SGCZ: variants seen among roughly 807,000 people sequenced by gnomAD.
SGCZ encodes sarcoglycan zeta, also known as zeta-sarcoglycan.
SGCZ carries 40 observed loss-of-function variants against 41.3 expected under a neutral mutation model. That is an observed-to-expected ratio of 0.97 (90% CI 0.75 to 1.26). The LOEUF (loss-of-function observed/expected upper bound fraction) is 1.26. SGCZ is among the 50% of genes most tolerant of loss of function. SGCZ has a pLI of 0.00. For missense variants in SGCZ, 552 were observed against 369.8 expected, an observed-to-expected ratio of 1.49 and a Z score of -4.04; for synonymous variants, 206 against 137.5, an observed-to-expected ratio of 1.50 and a Z score of -3.49.
Position 15,056,149 on chromosome 8 carries a change from A to G in SGCZ, c.39+181436T>C, listed in dbSNP as rs570466461. Among the ~76,000 whole-genome samples, 7 of 152,282 alleles carry G rather than the reference A, an allele frequency of 4.6e-5. No individual in the cohort carries two copies. The East Asian group carries it at 1.4e-3, about 29-fold the overall frequency. Reference sequence around the variant, plus strand: ...ACAGCTCTCCCAGCCCCTTACTCCCAGGCTCAGATCAAGAATTGCTGTTTA... The same window carrying G: ...ACAGCTCTCCCAGCCCCTTACTCCCGGGCTCAGATCAAGAATTGCTGTTTA... On this transcript the variant is annotated intron_variant, in intron 1 of 7. Coordinates refer to ENST00000382080, the MANE Select transcript of SGCZ (RefSeq NM_139167.4).
chr8:14,838,413 C>A (rs1401485464), intron 1 of SGCZ, among the ~76,000 whole-genome samples: 1 of 152,160 alleles, frequency 6.6e-6, no homozygotes, highest in Non-Finnish European at 1.5e-5. Flanking sequence ...GATATGCAAA[C>A]TAACCAATCT....
intron 1 of SGCZ, among the ~76,000 whole-genome samples, chr8:14,828,289 T>C (rs930622711): frequency 2.6e-5 from 4 of 152,198 alleles, no homozygotes; most frequent in African/African-American, 9.6e-5. Flanking sequence ...AAATGATTTA[T>C]GTCAATTTGC....
chr8:14,866,911 C>T (rs1277931084), intron 1 of SGCZ, among the ~76,000 whole-genome samples: 1 of 152,106 alleles, frequency 6.6e-6, no homozygotes, highest in Admixed American at 6.6e-5. Context: ...AGAATGTTGC[C>T]TTAAAGTTGG....
intron 1 of SGCZ, among the ~76,000 whole-genome samples, chr8:14,727,918 A>G (rs935190561): frequency 1.2e-4 from 18 of 152,238 alleles, no homozygotes; most frequent in Admixed American, 3.3e-4. Flanking sequence ...CTAAGCAATT[A>G]AAATGAGTAA....
chr8:14,423,162 T>C lies in SGCZ; in HGVS notation c.235-98958A>G, dbSNP rs182615548. On this transcript the variant is annotated intron_variant, in intron 2 of 7. Coordinates refer to ENST00000382080, the MANE Select transcript of SGCZ (RefSeq NM_139167.4). Reference sequence around the variant, plus strand: ...TAAAAGTAAACTCTGGGGACTGTTGTGGGGTGGGCGGAGGGGGGAGGGATA... The same window carrying C: ...TAAAAGTAAACTCTGGGGACTGTTGCGGGGTGGGCGGAGGGGGGAGGGATA... Among the ~76,000 whole-genome samples the C allele has an allele frequency of 1.2e-4, 18 of 148,828 alleles. No homozygotes were observed. In the East Asian group the frequency reaches 2.6e-3, roughly 22 times the overall value.
intron 5 of SGCZ, among the ~76,000 whole-genome samples, chr8:14,123,862 G>A (rs1448839700): frequency 6.6e-6 from 1 of 152,070 alleles, no homozygotes; most frequent in Non-Finnish European, 1.5e-5. Context: ...CTTAAAAACA[G>A]GATTATCCTG....
chr8:14,956,397 A>T (rs1280482148), intron 1 of SGCZ, among the ~76,000 whole-genome samples: 1 of 152,080 alleles, frequency 6.6e-6, no homozygotes, highest in Non-Finnish European at 1.5e-5. Flanking sequence ...TCCCTTCCCA[A>T]TAATCTGCAA....
At chr8:14,676,214 G>T (rs1323304321) in intron 1 of SGCZ, among the ~76,000 whole-genome samples, 1 of 152,176 alleles carries the variant, frequency 6.6e-6, no homozygotes, top group Non-Finnish European at 1.5e-5. Context: ...TATCATCCCT[G>T]CAATGCCAGA....
intron 1 of SGCZ, among the ~76,000 whole-genome samples, chr8:14,676,553 T>A (rs2117526849): frequency 6.6e-6 from 1 of 152,254 alleles, no homozygotes; most frequent in South Asian, 2.1e-4. Context: ...CACAATGATT[T>A]AACTGCCTCA....
chr8:14,178,435 G>C (rs1804620401), intron 4 of SGCZ, among the ~76,000 whole-genome samples: 1 of 152,220 alleles, frequency 6.6e-6, no homozygotes, highest in Non-Finnish European at 1.5e-5. Context: ...AGCAAACCAT[G>C]TAAACAGGTC....
At chr8:14,201,443 T>C (rs2117070990) in intron 4 of SGCZ, among the ~76,000 whole-genome samples, 1 of 152,264 alleles carries the variant, frequency 6.6e-6, no homozygotes, top group South Asian at 2.1e-4. Context: ...TACTCCTTAG[T>C]AATAAAAAGG....
At chr8:14,714,711 A>T (rs1303089178) in intron 1 of SGCZ, among the ~76,000 whole-genome samples, 1 of 152,224 alleles carries the variant, frequency 6.6e-6, no homozygotes. Context: ...TCAGGAAAAT[A>T]AATCCAGAAA....
At chr8:14,488,631 G>T (rs1038431883) in intron 2 of SGCZ, among the ~76,000 whole-genome samples, 6 of 152,040 alleles carry the variant, frequency 3.9e-5, no homozygotes, top group African/African-American at 1.4e-4. Flanking sequence ...ATCGCTGTGA[G>T]AAGTTAGGAA....
intron 1 of SGCZ, among the ~76,000 whole-genome samples, chr8:14,601,655 T>G (rs1185877226): frequency 6.6e-6 from 1 of 152,218 alleles, no homozygotes; most frequent in Non-Finnish European, 1.5e-5. Flanking sequence ...GGATTATCTT[T>G]CCTTATTGGT....
intron 1 of SGCZ, among the ~76,000 whole-genome samples, chr8:14,566,683 G>A (rs1004211474): frequency 2.0e-5 from 3 of 152,226 alleles, no homozygotes; most frequent in African/African-American, 4.8e-5. Flanking sequence ...GCCCTCGCTC[G>A]CTCTCGGCAC....
At chr8:14,868,201 G>A (rs150136162) in intron 1 of SGCZ, among the ~76,000 whole-genome samples, 3 of 152,218 alleles carry the variant, frequency 2.0e-5, no homozygotes, top group Admixed American at 2.0e-4. Flanking sequence ...TCAGTCACGA[G>A]GATACAGTGG....
At chr8:14,850,253 A>G (rs1488472360) in intron 1 of SGCZ, among the ~76,000 whole-genome samples, 1 of 152,220 alleles carries the variant, frequency 6.6e-6, no homozygotes, top group Non-Finnish European at 1.5e-5. Context: ...CTGAACAGTT[A>G]AAATATGCAT....
rs183292664 is a variant in SGCZ at position 14,717,373 on chromosome 8, A to T, written c.40-162447T>A. 2.5e-4 allele frequency among the ~76,000 whole-genome samples: 38 copies of T among 152,280 alleles called. No homozygotes were observed. In the East Asian group the frequency reaches 4.6e-3, roughly 19 times the overall value. ...CCTTTACTTTCTGAAACTTACTATA[A>T]ATCACTTACAGTAATATGCTTAAAA... is the stretch of plus-strand genomic sequence containing the variant. On this transcript the variant is annotated intron_variant, in intron 1 of 7. Coordinates refer to ENST00000382080, the MANE Select transcript of SGCZ (RefSeq NM_139167.4).
At chr8:14,184,530 T>G (rs987609104) in intron 4 of SGCZ, among the ~76,000 whole-genome samples, 1 of 152,140 alleles carries the variant, frequency 6.6e-6, no homozygotes, top group Non-Finnish European at 1.5e-5. Flanking sequence ...AAGAAGATTA[T>G]TATATATTGG....
Sources: gnomAD v4.1 joint callset for allele counts (sites outside exome capture counted in the v4.1 genomes callset) on GRCh38, gnomAD v4.1.1 for gene constraint, MANE v1.5 for transcripts, NCBI Gene and HGNC (gene_info 2026-07-23, HGNC 2026-07-21) for gene names.